IFT80: variants seen among roughly 807,000 people sequenced by gnomAD.
IFT80 encodes intraflagellar transport protein 80 homolog.
Under a neutral mutation model 107.9 loss-of-function variants are expected in IFT80, and 79 were observed. The ratio of observed to expected loss-of-function variants is 0.73; its 90% CI spans 0.61 to 0.88. The LOEUF (loss-of-function observed/expected upper bound fraction) is 0.88. Ranked by LOEUF, IFT80 falls within the 40% of genes least tolerant of loss-of-function variation. IFT80 has a pLI of 0.00. For missense variants in IFT80, 797 were observed against 914.2 expected (o/e 0.87, Z 1.65); for synonymous variants, 299 against 300.9 (o/e 0.99, Z 0.07).
intron 10 of IFT80, among the ~76,000 whole-genome samples, chr3:160,307,372 C>T (rs1470643236): frequency 6.6e-6 from 1 of 152,170 alleles, no homozygotes; most frequent in Non-Finnish European, 1.5e-5. Flanking sequence ...TGGTCTCAAG[C>T]CCCTGCTCTC....
chr3:160,305,779 A>C, intron 10 of IFT80, among the ~76,000 whole-genome samples: 1 of 152,252 alleles, frequency 6.6e-6, no homozygotes, highest in East Asian at 1.9e-4. Context: ...TTTTAAAATT[A>C]TATTTTTATT....
chr3:160,357,466 T>G lies in IFT80; in HGVS notation c.639+23A>C, dbSNP rs763119491. 29 of 1,198,550 alleles carry G rather than the reference T, an allele frequency of 2.4e-5. No individual in the cohort carries two copies. In the Middle Eastern group the frequency reaches 4.6e-3, roughly 192 times the overall value. 74.2% of individuals were successfully genotyped at this position (1,198,550 alleles called of 1,614,324 possible). A position where few individuals can be genotyped will look rare whatever the true frequency, so the allele number is the denominator to read the frequency against. On this transcript the variant is annotated intron_variant, in intron 7 of 19. Coordinates refer to ENST00000326448, the MANE Select transcript of IFT80 (RefSeq NM_020800.3). Reference sequence around the variant, plus strand: ...TATAAATTTGATTATTTCAGCCAAGTGATAAATCTAAACATTATATACCTT... The same window carrying G: ...TATAAATTTGATTATTTCAGCCAAGGGATAAATCTAAACATTATATACCTT...
At chr3:160,345,467 G>A (rs928026894) in intron 8 of IFT80, among the ~76,000 whole-genome samples, 21 of 151,942 alleles carry the variant, frequency 1.4e-4, no homozygotes, top group Non-Finnish European at 5.9e-5. Flanking sequence ...TGGGTGGATC[G>A]CTTAAGGTCA....
At position 160,398,194 on chromosome 3, in the gene IFT80, A is replaced by G. The variant is rs147296520; in HGVS notation, c.-47+952T>C. Among the ~76,000 whole-genome samples the G allele has an allele frequency of 5.3e-4, 81 of 152,328 alleles. No individual in the cohort carries two copies. In the East Asian group the frequency reaches 0.015, roughly 28 times the overall value. Reference sequence around the variant, plus strand: ...ACGATATTGAGTCTACGCTTATGCAATACACACCAGTCTCCCAACCTCACC... The same window carrying G: ...ACGATATTGAGTCTACGCTTATGCAGTACACACCAGTCTCCCAACCTCACC... On this transcript the variant is annotated intron_variant, in intron 1 of 19. Coordinates refer to ENST00000326448, the MANE Select transcript of IFT80 (RefSeq NM_020800.3).
chr3:160,296,569 TA>T (rs750618761), intron 12 of IFT80, among the ~76,000 whole-genome samples: 724 of 136,524 alleles, frequency 5.3e-3, no homozygotes, highest in Admixed American at 5.4e-3. Context: ...TCATCCTCAC[TA>T]AAAAAAAAAA....
At chr3:160,288,474 C>A (rs1487861635) in intron 12 of IFT80, among the ~76,000 whole-genome samples, 1 of 152,048 alleles carries the variant, frequency 6.6e-6, no homozygotes, top group Non-Finnish European at 1.5e-5. Flanking sequence ...GCAACAAAAG[C>A]AAAAATTGAC....
intron 8 of IFT80, among the ~76,000 whole-genome samples, chr3:160,325,050 A>G (rs1351196996): frequency 6.6e-6 from 1 of 151,220 alleles, no homozygotes; most frequent in Non-Finnish European, 1.5e-5. Flanking sequence ...AGAGAATAAA[A>G]TACCTAGGAA....
chr3:160,279,220 A>G lies in IFT80; in HGVS notation c.1809T>C (p.Asp603=). The part of the protein sequence containing the change: ...HEYVSSSKWE[D]AVRLCRFVKE... ...TAACAAAGCGACAAAGTCTCACAGCATCTTCCCATTTTGAACTGCTTACAT... is the reference window on the plus strand; with the variant it reads ...TAACAAAGCGACAAAGTCTCACAGCGTCTTCCCATTTTGAACTGCTTACAT... The change falls in exon 16 of 20, where the codon GAT becomes GAC. Residue 603 remains aspartate, a synonymous_variant. Transcript: ENST00000326448. 1.2e-6 allele frequency: 2 copies of G among 1,613,786 alleles called. No individual in the cohort carries two copies. The highest frequency in any genetic ancestry group is 1.1e-5 in the South Asian group (1 of 91,070).
intron 8 of IFT80, among the ~76,000 whole-genome samples, chr3:160,349,072 G>T (rs1720487917): frequency 6.6e-6 from 1 of 151,836 alleles, no homozygotes; most frequent in African/African-American, 2.4e-5. Context: ...ATTTTAAATG[G>T]GTAAAATGTG....
intron 5 of IFT80, among the ~76,000 whole-genome samples, chr3:160,373,071 G>A (rs1381402860): frequency 6.6e-6 from 1 of 152,088 alleles, no homozygotes; most frequent in Non-Finnish European, 1.5e-5. Flanking sequence ...AAAAGCAGAA[G>A]CAAATTTTGT....
At chr3:160,385,474 A>C (rs557547647) in intron 1 of IFT80, among the ~76,000 whole-genome samples, 1 of 152,342 alleles carries the variant, frequency 6.6e-6, no homozygotes, top group African/African-American at 2.4e-5. Flanking sequence ...CTAAGTTGAA[A>C]ATTACTGCTA....
intron 16 of IFT80, among the ~76,000 whole-genome samples, chr3:160,278,141 T>C (rs1360053933): frequency 6.6e-6 from 1 of 152,170 alleles, no homozygotes; most frequent in Non-Finnish European, 1.5e-5. Context: ...CCCAAATCAT[T>C]TTCTTTTCTA....
At chr3:160,373,826 G>A (rs1002829128) in intron 5 of IFT80, among the ~76,000 whole-genome samples, 6 of 152,026 alleles carry the variant, frequency 3.9e-5, no homozygotes, top group Admixed American at 2.6e-4. Flanking sequence ...TGTAGGTCAG[G>A]CAGTAATGGA....
intron 7 of IFT80, among the ~76,000 whole-genome samples, chr3:160,356,977 T>G (rs1393627211): frequency 6.6e-6 from 1 of 152,198 alleles, no homozygotes; most frequent in Non-Finnish European, 1.5e-5. Flanking sequence ...TGATCAATAT[T>G]TAGTAAACCA....
intron 9 of IFT80, among the ~76,000 whole-genome samples, chr3:160,319,111 TC>T (rs1718022961): frequency 6.6e-6 from 1 of 152,104 alleles, no homozygotes; most frequent in East Asian, 1.9e-4. Context: ...CTTAACTGTT[TC>T]TTCAGGTCTA....
intron 12 of IFT80, among the ~76,000 whole-genome samples, chr3:160,287,494 G>C (rs1715182966): frequency 6.6e-6 from 1 of 152,188 alleles, no homozygotes; most frequent in Non-Finnish European, 1.5e-5. Context: ...GTTGGTATCA[G>C]GTTACTGAAA....
At chr3:160,398,900 T>C (rs1230583611) in intron 1 of IFT80, among the ~76,000 whole-genome samples, 1 of 152,184 alleles carries the variant, frequency 6.6e-6, no homozygotes, top group Non-Finnish European at 1.5e-5. Context: ...AAAATCATTA[T>C]TGCGCTATTC....
intron 5 of IFT80, among the ~76,000 whole-genome samples, chr3:160,374,327 T>C (rs1576888505): frequency 1.3e-5 from 2 of 151,524 alleles, no homozygotes; most frequent in Admixed American, 1.3e-4. Context: ...CAAGATCGAT[T>C]GAGTCCAGGA....
chr3:160,319,558 G>T (rs1464459113), intron 9 of IFT80, among the ~76,000 whole-genome samples: 1 of 151,962 alleles, frequency 6.6e-6, no homozygotes, highest in Non-Finnish European at 1.5e-5. Flanking sequence ...CATAACTGAA[G>T]TAGCTTTGGG....
Sources: allele counts gnomAD v4.1 joint callset (sites outside exome capture counted in the v4.1 genomes callset), GRCh38; gene constraint gnomAD v4.1.1; transcripts MANE v1.5; gene names NCBI Gene and HGNC (gene_info 2026-07-23, HGNC 2026-07-21).